PHC3: variants seen among roughly 807,000 people sequenced by gnomAD.
PHC3 encodes the protein polyhomeotic-like protein 3.
Under a neutral mutation model 107.4 loss-of-function variants are expected in PHC3, and 13 were observed. The observed-to-expected ratio is 0.12, with a 90% CI of 0.08 to 0.19. The LOEUF (loss-of-function observed/expected upper bound fraction) is 0.19. Among genes scored for constraint, PHC3 ranks in the 10% least tolerant of loss-of-function variants. PHC3 has a pLI of 1.00. For missense variants in PHC3, 992 were observed against 1,210.9 expected (o/e 0.82, Z 2.68); for synonymous variants, 456 against 427.4 (o/e 1.07, Z -0.83).
chr3:170,111,318 G>GAACGAACC (rs1717664569), intron 11 of PHC3, among the ~76,000 whole-genome samples: 1 of 96,176 alleles, frequency 1.0e-5, no homozygotes, highest in Non-Finnish European at 2.4e-5. Flanking sequence ...AGGAAGGAAG[G>GAACGAACC]AACGAACGAA....
At chr3:170,128,299 AACAT>A in intron 8 of PHC3, 1 of 1,162,730 alleles carries the variant, frequency 8.6e-7, no homozygotes, top group South Asian at 1.5e-5. Flanking sequence ...ACGTTTTGAG[AACAT>A]ACAAGCCAAC....
intron 14 of PHC3, among the ~76,000 whole-genome samples, chr3:170,101,355 T>C (rs1715444845): frequency 6.6e-6 from 1 of 152,228 alleles, no homozygotes; most frequent in South Asian, 2.1e-4. Flanking sequence ...ACGGATTCTT[T>C]ACAACTATCA....
rs1179490948 is a variant in PHC3 at position 170,096,191 on chromosome 3, T to G, written c.*1039A>C. Reference sequence around the variant, plus strand: ...TATTTTATAGGACAATTTGTAGATTTTTTTTCTTTTTCTAGTATGATTAAA... The same window carrying G: ...TATTTTATAGGACAATTTGTAGATTGTTTTTCTTTTTCTAGTATGATTAAA... On this transcript the variant is annotated 3_prime_UTR_variant, in exon 15 of 15. Coordinates refer to ENST00000495893, the MANE Select transcript of PHC3 (RefSeq NM_024947.4). The G allele has an allele frequency of 3.9e-5, 6 of 152,226 alleles. No homozygotes were observed. The East Asian group carries it at 1.2e-3, about 29-fold the overall frequency. The allele number at this position is 152,226 out of a possible 1,614,324, so 9.4% of individuals were successfully genotyped here. A position where few individuals can be genotyped will look rare whatever the true frequency, so the allele number is the denominator to read the frequency against.
At chr3:170,177,163 C>T (rs535246616) in intron 2 of PHC3, among the ~76,000 whole-genome samples, 2 of 152,220 alleles carry the variant, frequency 1.3e-5, no homozygotes, top group East Asian at 1.9e-4. Flanking sequence ...ATATAAACTT[C>T]GTAACATATC....
chr3:170,088,462 A>C lies in PHC3; in HGVS notation c.*8768T>G, dbSNP rs532240536. 9 of 152,346 alleles carry C rather than the reference A, an allele frequency of 5.9e-5. No individual in the cohort carries two copies. The highest frequency in any genetic ancestry group is 1.3e-4 in the Non-Finnish European group (9 of 68,030). The allele number at this position is 152,346 out of a possible 1,614,324, so 9.4% of individuals were successfully genotyped here. On this transcript the variant is annotated 3_prime_UTR_variant, in exon 15 of 15. Coordinates refer to ENST00000495893, the MANE Select transcript of PHC3 (RefSeq NM_024947.4). ...ATCCATCCAACCTTCATTTACTACA[A>C]GCACAATACTACTTTGAGGATAGTT...
At chr3:170,151,447 C>T (rs1320123262) in intron 4 of PHC3, among the ~76,000 whole-genome samples, 2 of 152,082 alleles carry the variant, frequency 1.3e-5, no homozygotes, top group African/African-American at 4.8e-5. Flanking sequence ...TACAGCAGAA[C>T]TCCAAAAGGG....
Position 170,129,546 on chromosome 3 carries a change from T to C in PHC3, c.926A>G (p.Tyr309Cys), listed in dbSNP as rs1272033827. 1 of 1,610,844 alleles carries C rather than the reference T, an allele frequency of 6.2e-7. No homozygotes were observed. The highest frequency in any genetic ancestry group is 1.7e-5 in the Admixed American group (1 of 59,656). Residue 309 changes from tyrosine (Y) to cysteine (C), a missense_variant, in exon 8 of 15, where the codon TAT (tyrosine) becomes TGT (cysteine). Transcript: ENST00000495893. ...TAGAGAATGAGGCTGAATTGGAGAA[T>C]ATGAAGCTGTGAGAGAAAAAAATGA... Reference protein sequence around the residue: ...SIHQLIAPASYSPIQPHSLIK... With the variant: ...SIHQLIAPASCSPIQPHSLIK...
chr3:170,109,503 A>G (rs1437160115), intron 11 of PHC3, among the ~76,000 whole-genome samples: 2 of 152,194 alleles, frequency 1.3e-5, no homozygotes, highest in Non-Finnish European at 2.9e-5. Flanking sequence ...TCTTTGGGTT[A>G]TGTCAGAGAA....
intron 8 of PHC3, among the ~76,000 whole-genome samples, chr3:170,123,577 T>C (rs1395979320): frequency 6.6e-6 from 1 of 151,504 alleles, no homozygotes; most frequent in Non-Finnish European, 1.5e-5. Flanking sequence ...TCACCGGAGG[T>C]CAGGAGTTCC....
chr3:170,147,584 AAC>A (rs1172703785), intron 5 of PHC3: 5 of 152,244 alleles, frequency 3.3e-5, no homozygotes, highest in Non-Finnish European at 4.4e-5. Context: ...AATATAGTAT[AAC>A]AGTTATTTAA....
chr3:170,097,213 A>C lies in PHC3; in HGVS notation c.*17T>G, dbSNP rs1714734433. On this transcript the variant is annotated 3_prime_UTR_variant, in exon 15 of 15. Coordinates refer to ENST00000495893, the MANE Select transcript of PHC3 (RefSeq NM_024947.4). The surrounding 1 kb of genome is among the most constrained non-coding windows in gnomAD (Gnocchi z 4.1). ...AGAAAAGTAAAACTGCTGTTTTATCAAGGCTTCATGTTCCTGTTAAGATTC... is the reference window on the plus strand; with the variant it reads ...AGAAAAGTAAAACTGCTGTTTTATCCAGGCTTCATGTTCCTGTTAAGATTC... The C allele has an allele frequency of 1.3e-6, 2 of 1,584,466 alleles. No homozygotes were observed. Among genetic ancestry groups the C allele is most frequent in the South Asian group, 2.3e-5 (2 of 88,442 alleles).
At chr3:170,102,304 T>C (rs1161090076) in intron 14 of PHC3, 175 bp downstream of exon 14, 1 of 985,398 alleles carries the variant, frequency 1.0e-6, no homozygotes, top group East Asian at 1.1e-4. Flanking sequence ...TACCCAGTAG[T>C]GCTGAGGGAA....
chr3:170,171,731 T>C (rs565600474), intron 3 of PHC3, among the ~76,000 whole-genome samples: 1 of 152,334 alleles, frequency 6.6e-6, no homozygotes, highest in South Asian at 2.1e-4. Flanking sequence ...GTGGAATCAC[T>C]ACTCCAGAGT....
At chr3:170,164,177 C>CA (rs770685368) in intron 4 of PHC3, among the ~76,000 whole-genome samples, 56 of 152,314 alleles carry the variant, frequency 3.7e-4, no homozygotes, top group Non-Finnish European at 6.9e-4. Flanking sequence ...GCCTGGCCAA[C>CA]AGAGTGAGAT....
intron 11 of PHC3, among the ~76,000 whole-genome samples, chr3:170,109,842 T>C (rs1021435645): frequency 6.6e-6 from 1 of 152,152 alleles, no homozygotes; most frequent in Non-Finnish European, 1.5e-5. Context: ...GTTGAAACTA[T>C]ATATACTACT....
At chr3:170,179,027 A>AGATTACTGCTGATT in intron 1 of PHC3, 89 bp from the exon 2 acceptor site, 1 of 1,227,994 alleles carries the variant, frequency 8.1e-7, no homozygotes, top group Non-Finnish European at 1.2e-6. Flanking sequence ...AATCAGCAGT[A>AGATTACTGCTGATT]ATCTAAACTG....
chr3:170,161,919 AC>A (rs1228804738), intron 4 of PHC3, among the ~76,000 whole-genome samples: 3 of 152,182 alleles, frequency 2.0e-5, no homozygotes, highest in Non-Finnish European at 4.4e-5. Context: ...TATCTCTAAT[AC>A]AGTCACATCA....
At chr3:170,152,419 C>T (rs1726151885) in intron 4 of PHC3, among the ~76,000 whole-genome samples, 1 of 150,558 alleles carries the variant, frequency 6.6e-6, no homozygotes. Flanking sequence ...ATCTCCTGAC[C>T]TCACGATCCC....
At chr3:170,112,662 T>TA in intron 11 of PHC3, among the ~76,000 whole-genome samples, 1 of 151,722 alleles carries the variant, frequency 6.6e-6, no homozygotes, top group Non-Finnish European at 1.5e-5. Context: ...TAGCTGGTAT[T>TA]ACAGGTGCAT....
Sources: allele counts gnomAD v4.1 joint callset (sites outside exome capture counted in the v4.1 genomes callset), GRCh38; gene constraint gnomAD v4.1.1; non-coding constraint Gnocchi (gnomAD v3.1); transcripts MANE v1.5; gene names NCBI Gene and HGNC (gene_info 2026-07-23, HGNC 2026-07-21).